The following WWOX variants were observed in gnomAD, a reference collection of about 807,000 sequenced individuals.
The protein encoded by WWOX is WW domain containing oxidoreductase, also known as WW domain-containing oxidoreductase.
A neutral mutation model predicts 46.2 loss-of-function variants in WWOX; 69 were observed. The ratio of observed to expected loss-of-function variants is 1.49; its 90% CI spans 1.23 to 1.82. The LOEUF (loss-of-function observed/expected upper bound fraction) is 1.82, where lower values mean the gene tolerates loss of function less well. Ranked by LOEUF, WWOX falls within the 40% of genes most tolerant of loss-of-function variation. The pLI is 0.00. For missense variants in WWOX, 919 were observed against 542.6 expected (o/e 1.69, Z -6.89); for synonymous variants, 359 against 202.6 (o/e 1.77, Z -6.56).
intron 8 of WWOX, among the ~76,000 whole-genome samples, chr16:78,538,810 A>G (rs368348182): frequency 6.1e-4 from 93 of 152,374 alleles, no homozygotes; most frequent in African/African-American, 2.0e-3. Context: ...GTGGAAATGT[A>G]TAAAATATGT....
At position 78,671,532 on chromosome 16, in the gene WWOX, A is replaced by G. The variant is rs141214214; in HGVS notation, c.1056+238780A>G. 3.8e-3 allele frequency among the ~76,000 whole-genome samples: 584 copies of G among 152,322 alleles called. 4 individuals carry two copies. Among genetic ancestry groups the G allele is most frequent in the African/African-American group, 0.013 (549 of 41,568 alleles). On this transcript the variant is annotated intron_variant, in intron 8 of 8. Coordinates refer to ENST00000566780, the MANE Select transcript of WWOX (RefSeq NM_016373.4). ...CTTGTGATGGTTTAGCTTATTTAGT[A>G]CAACAACCCTGCCCCTTCTAGTTTT...
chr16:78,917,348 C>T (rs2045275999), intron 8 of WWOX, among the ~76,000 whole-genome samples: 1 of 152,184 alleles, frequency 6.6e-6, no homozygotes, highest in African/African-American at 2.4e-5. Flanking sequence ...CTCAAATAAA[C>T]ATCCTTTAAA....
At chr16:79,197,667 C>T (rs985592829) in intron 8 of WWOX, among the ~76,000 whole-genome samples, 4 of 152,138 alleles carry the variant, frequency 2.6e-5, no homozygotes, top group African/African-American at 7.2e-5. Flanking sequence ...TTTAGAAAGG[C>T]AGTTCTGTAA....
chr16:78,786,877 G>C (rs1000608383), intron 8 of WWOX, among the ~76,000 whole-genome samples: 2 of 152,212 alleles, frequency 1.3e-5, no homozygotes, highest in African/African-American at 2.4e-5. Flanking sequence ...GCTGGGCGTG[G>C]TGACTCACGC....
At chr16:79,043,915 C>G (rs529291053) in intron 8 of WWOX, among the ~76,000 whole-genome samples, 2 of 152,222 alleles carry the variant, frequency 1.3e-5, no homozygotes, top group Admixed American at 1.3e-4. Flanking sequence ...AGGGCTGCCG[C>G]TCATTCACTC....
At chr16:79,064,289 G>C (rs942466625) in intron 8 of WWOX, among the ~76,000 whole-genome samples, 3 of 152,202 alleles carry the variant, frequency 2.0e-5, no homozygotes, top group African/African-American at 7.2e-5. Context: ...AGACAACCTG[G>C]TTGAGAATTT....
chr16:78,424,968 G>T lies in WWOX; in HGVS notation c.704G>T (p.Gly235Val), dbSNP rs1169887175. 3.0e-5 allele frequency: 49 copies of T among 1,613,898 alleles called. No individual in the cohort carries two copies. Among genetic ancestry groups the T allele is most frequent in the Non-Finnish European group, 4.2e-5 (49 of 1,180,020 alleles). ...LETTFQVNHL[G>V]HFYLVQLLQD... ...ACCACCTTTCAAGTGAATCATCTGG[G>T]GCACTTCTACCTTGTCCAGCTCCTC... The change falls in exon 7 of 9, where the codon GGG (glycine) becomes GTG (valine). Residue 235 changes from glycine (G) to valine (V), a missense_variant. Gly to Val is a moderately radical substitution (Grantham distance 109). Coordinates refer to ENST00000566780, the MANE Select transcript of WWOX (RefSeq NM_016373.4).
intron 8 of WWOX, among the ~76,000 whole-genome samples, chr16:78,590,634 G>C (rs1268171301): frequency 7.5e-6 from 1 of 133,308 alleles, no homozygotes; most frequent in Non-Finnish European, 1.6e-5. Context: ...AGATGGAAAT[G>C]TCTTGTAACT....
chr16:78,274,323 A>T (rs1211062207), intron 5 of WWOX, among the ~76,000 whole-genome samples: 1 of 152,110 alleles, frequency 6.6e-6, no homozygotes, highest in Admixed American at 6.5e-5. Context: ...TTCTTCAAGC[A>T]CTTTTTCTGT....
At chr16:78,710,640 G>A (rs974055799) in intron 8 of WWOX, among the ~76,000 whole-genome samples, 3 of 148,406 alleles carry the variant, frequency 2.0e-5, no homozygotes, top group African/African-American at 7.4e-5. Flanking sequence ...TTTGAGACAG[G>A]GTCTTGCTCT....
chr16:78,758,634 A>G (rs2049717022), intron 8 of WWOX, among the ~76,000 whole-genome samples: 1 of 152,150 alleles, frequency 6.6e-6, no homozygotes, highest in South Asian at 2.1e-4. Flanking sequence ...TTCCCGTTCT[A>G]CAGCATGGAG....
intron 8 of WWOX, among the ~76,000 whole-genome samples, chr16:78,833,298 C>T (rs958946796): frequency 1.3e-5 from 2 of 152,118 alleles, no homozygotes; most frequent in African/African-American, 4.8e-5. Context: ...CCTCTCACCT[C>T]ATTCTCTCAA....
intron 8 of WWOX, among the ~76,000 whole-genome samples, chr16:78,882,864 G>C (rs917737966): frequency 2.0e-5 from 3 of 150,794 alleles, no homozygotes; most frequent in South Asian, 4.2e-4. Context: ...ATTTAGCAAA[G>C]ACTTCCTGAG....
chr16:78,414,726 T>C (rs1212718810), intron 6 of WWOX, among the ~76,000 whole-genome samples: 1 of 152,214 alleles, frequency 6.6e-6, no homozygotes, highest in Non-Finnish European at 1.5e-5. Flanking sequence ...CAAGCCCCTC[T>C]CATCCTAACG....
At chr16:78,222,266 C>T (rs2151798843) in intron 5 of WWOX, among the ~76,000 whole-genome samples, 1 of 151,232 alleles carries the variant, frequency 6.6e-6, no homozygotes, top group East Asian at 1.9e-4. Context: ...AGTTCATTTC[C>T]AACGCGTATT....
At chr16:78,733,597 A>C (rs866219092) in intron 8 of WWOX, among the ~76,000 whole-genome samples, 7 of 151,706 alleles carry the variant, frequency 4.6e-5, no homozygotes, top group Non-Finnish European at 8.8e-5. Context: ...AATACAAAAA[A>C]AAAAAAAATT....
At chr16:78,456,599 G>A (rs1857969213) in intron 8 of WWOX, among the ~76,000 whole-genome samples, 1 of 152,130 alleles carries the variant, frequency 6.6e-6, no homozygotes, top group Non-Finnish European at 1.5e-5. Context: ...TGATGGGTAT[G>A]TAGTTCATTT....
At chr16:78,367,080 C>T (rs796839192) in intron 5 of WWOX, among the ~76,000 whole-genome samples, 6 of 146,752 alleles carry the variant, frequency 4.1e-5, no homozygotes, top group East Asian at 2.2e-4. Context: ...CCCAGGTTTA[C>T]GCCATTCTCC....
intron 8 of WWOX, among the ~76,000 whole-genome samples, chr16:78,628,449 G>A (rs959340657): frequency 2.3e-4 from 35 of 152,140 alleles, no homozygotes; most frequent in African/African-American, 8.2e-4. Flanking sequence ...TTTCTATCAA[G>A]CTCCCAAGGG....
Sources: gnomAD v4.1 joint callset for allele counts (sites outside exome capture counted in the v4.1 genomes callset) on GRCh38, gnomAD v4.1.1 for gene constraint, MANE v1.5 for transcripts, NCBI Gene and HGNC (gene_info 2026-07-23, HGNC 2026-07-21) for gene names.